DSCAM: variants seen among roughly 807,000 people sequenced by gnomAD.
DSCAM encodes the protein DS cell adhesion molecule.
In DSCAM, 47 loss-of-function variants were observed where a neutral mutation model predicts 217.7. That is an observed-to-expected ratio of 0.22 (90% confidence interval 0.17 to 0.28). DSCAM has a LOEUF of 0.28. DSCAM is among the 10% of genes least tolerant of loss of function. The pLI, the probability that DSCAM is intolerant of heterozygous loss-of-function variation, is 1.00. For synonymous variants in DSCAM, 1,056 were observed against 1,015.3 expected (o/e 1.04, Z -0.76); for missense variants, 2,080 against 2,618.3 (o/e 0.79, Z 4.49).
At chr21:40,844,274 T>C (rs919307608) in intron 1 of DSCAM, among the ~76,000 whole-genome samples, 10 of 152,222 alleles carry the variant, frequency 6.6e-5, no homozygotes, top group African/African-American at 2.4e-4. Flanking sequence ...CTTTCCCCAG[T>C]ATGTAATGAA....
chr21:40,645,908 T>C (rs1422071016), intron 3 of DSCAM, among the ~76,000 whole-genome samples: 1 of 152,142 alleles, frequency 6.6e-6, no homozygotes, highest in African/African-American at 2.4e-5. Flanking sequence ...ATTTCCTCTA[T>C]AAAATACAAT....
intron 18 of DSCAM, among the ~76,000 whole-genome samples, chr21:40,137,868 TG>T (rs1009819434): frequency 2.6e-4 from 40 of 152,200 alleles, no homozygotes; most frequent in Admixed American, 2.4e-3. Context: ...ACACTCCAGT[TG>T]GCACCTAATT....
chr21:40,017,527 T>G (rs1050587087), intron 32 of DSCAM, among the ~76,000 whole-genome samples: 1 of 151,874 alleles, frequency 6.6e-6, no homozygotes, highest in Non-Finnish European at 1.5e-5. Context: ...CAAGGGAAGC[T>G]CAGTAATAAA....
At chr21:40,683,556 C>T (rs1271085683) in intron 3 of DSCAM, among the ~76,000 whole-genome samples, 3 of 152,036 alleles carry the variant, frequency 2.0e-5, no homozygotes, top group Non-Finnish European at 2.9e-5. Context: ...ACAAGAAATA[C>T]GGTAATTACT....
intron 5 of DSCAM, among the ~76,000 whole-genome samples, chr21:40,349,282 TG>T: frequency 6.6e-6 from 1 of 151,738 alleles, no homozygotes; most frequent in African/African-American, 2.4e-5. Flanking sequence ...ATGACATATG[TG>T]GTTTACCCAG....
intron 21 of DSCAM, among the ~76,000 whole-genome samples, chr21:40,088,392 G>A (rs2089561627): frequency 6.6e-6 from 1 of 152,184 alleles, no homozygotes; most frequent in African/African-American, 2.4e-5. Context: ...TGGAAGGGCA[G>A]AGTACCCAGA....
chr21:40,745,113 A>G (rs554551768), intron 1 of DSCAM, among the ~76,000 whole-genome samples: 5 of 152,304 alleles, frequency 3.3e-5, no homozygotes, highest in Non-Finnish European at 7.4e-5. Context: ...CAATCAGAGG[A>G]GAAAAATCTT....
intron 11 of DSCAM, among the ~76,000 whole-genome samples, chr21:40,197,825 G>C (rs2091029327): frequency 6.6e-6 from 1 of 152,174 alleles, no homozygotes; most frequent in African/African-American, 2.4e-5. Context: ...ACCTAGGATG[G>C]GGAAACTAAG....
intron 3 of DSCAM, among the ~76,000 whole-genome samples, chr21:40,650,027 C>T (rs910674802): frequency 2.0e-5 from 3 of 152,074 alleles, no homozygotes; most frequent in Non-Finnish European, 2.9e-5. Context: ...AGGCTGTGAC[C>T]GACAACAAAG....
chr21:40,200,942 C>T (rs2091063309), intron 11 of DSCAM, among the ~76,000 whole-genome samples: 1 of 152,262 alleles, frequency 6.6e-6, no homozygotes, highest in Admixed American at 6.5e-5. Flanking sequence ...GCAAGTGAGG[C>T]TGCCTACTGG....
chr21:40,040,809 C>T (rs1018007436), intron 32 of DSCAM, among the ~76,000 whole-genome samples: 6 of 152,158 alleles, frequency 3.9e-5, no homozygotes, highest in Non-Finnish European at 7.3e-5. Context: ...ACAACATGCC[C>T]ACAGGCTTAT....
At position 40,169,412 on chromosome 21, in the gene DSCAM, G is replaced by C. The variant is rs553053589; in HGVS notation, c.2948-2124C>G. Among the ~76,000 whole-genome samples, 17 of 152,290 alleles carry C rather than the reference G, an allele frequency of 1.1e-4. No individual in the cohort carries two copies. In the South Asian group the frequency reaches 2.5e-3, roughly 22 times the overall value. ...TGGTCTATAGAAAAGGGTGCACCCT[G>C]TGTCTTAGGGCACTAAGGCGCTCTA... On this transcript the variant is annotated intron_variant, in intron 15 of 32. Coordinates refer to ENST00000400454, the MANE Select transcript of DSCAM (RefSeq NM_001389.5).
In DSCAM at chr21:40,374,831, A is replaced by C. The variant is rs569989482; in HGVS notation, c.509-5586T>G. Among the ~76,000 whole-genome samples the C allele has an allele frequency of 2.6e-5, 4 of 152,280 alleles. No homozygotes were observed. In the South Asian group the frequency reaches 8.3e-4, roughly 32 times the overall value. ...TCCAGGAAGGGAGCCCCCATCAGGC[A>C]CCAAATCTGCCAATACCTTGATCTT... On this transcript the variant is annotated intron_variant, in intron 3 of 32. Coordinates refer to ENST00000400454, the MANE Select transcript of DSCAM (RefSeq NM_001389.5).
chr21:40,068,588 C>A (rs1253414278), intron 27 of DSCAM, among the ~76,000 whole-genome samples: 1 of 152,108 alleles, frequency 6.6e-6, no homozygotes, highest in Non-Finnish European at 1.5e-5. Flanking sequence ...TCTTCTAATT[C>A]CAGGTATAAT....
chr21:40,123,929 T>C (rs2090065085), intron 20 of DSCAM, among the ~76,000 whole-genome samples: 1 of 152,186 alleles, frequency 6.6e-6, no homozygotes, highest in East Asian at 1.9e-4. Flanking sequence ...GTTTTGATTT[T>C]GATCAGGCTG....
At chr21:40,488,394 T>G (rs978632942) in intron 3 of DSCAM, among the ~76,000 whole-genome samples, 3 of 152,202 alleles carry the variant, frequency 2.0e-5, no homozygotes, top group Non-Finnish European at 4.4e-5. Context: ...GAAACTTCTA[T>G]TTGAAGGCTC....
intron 1 of DSCAM, among the ~76,000 whole-genome samples, chr21:40,728,285 T>C (rs2090978214): frequency 6.6e-6 from 1 of 152,226 alleles, no homozygotes; most frequent in South Asian, 2.1e-4. Context: ...CAATAGTTTC[T>C]AGCATGTAGC....
chr21:40,348,691 C>A (rs1437396452), intron 5 of DSCAM, among the ~76,000 whole-genome samples: 1 of 152,212 alleles, frequency 6.6e-6, no homozygotes, highest in Admixed American at 6.5e-5. Flanking sequence ...CAGTTCGTAT[C>A]AGCCACATTA....
At chr21:40,322,955 C>T (rs1381702718) in intron 8 of DSCAM, among the ~76,000 whole-genome samples, 1 of 152,192 alleles carries the variant, frequency 6.6e-6, no homozygotes, top group African/African-American at 2.4e-5. Flanking sequence ...GACATGTTAC[C>T]ACCAATTCAT....
Sources: gnomAD v4.1 joint callset for allele counts (sites outside exome capture counted in the v4.1 genomes callset) on GRCh38, gnomAD v4.1.1 for gene constraint, MANE v1.5 for transcripts, NCBI Gene and HGNC (gene_info 2026-07-23, HGNC 2026-07-21) for gene names.